SLC39A11: variants seen among roughly 807,000 people sequenced by gnomAD.
SLC39A11 encodes zinc transporter ZIP11.
SLC39A11 carries 33 observed loss-of-function variants against 36.1 expected under a neutral mutation model. The ratio of observed to expected loss-of-function variants is 0.91; its 90% confidence interval spans 0.69 to 1.22. The LOEUF (loss-of-function observed/expected upper bound fraction) is 1.22. Among genes scored for constraint, SLC39A11 ranks in the 50% most tolerant of loss-of-function variants. The pLI is 0.00. For missense variants in SLC39A11, 432 were observed against 430.3 expected, an observed-to-expected ratio of 1.00 and a Z score of -0.03; for synonymous variants, 166 against 170.3, an observed-to-expected ratio of 0.97 and a Z score of 0.20.
intron 7 of SLC39A11, among the ~76,000 whole-genome samples, chr17:72,685,678 T>G (rs1189574089): frequency 6.6e-6 from 1 of 152,202 alleles, no homozygotes; most frequent in African/African-American, 2.4e-5. Flanking sequence ...GATTAGGGAA[T>G]GATTTAGGAA....
chr17:72,958,744 G>T (rs540035163), intron 4 of SLC39A11, among the ~76,000 whole-genome samples: 1 of 152,026 alleles, frequency 6.6e-6, no homozygotes. Context: ...TCAGCTACTC[G>T]GGAGGCTGAG....
chr17:72,798,717 CA>C (rs974704337), intron 6 of SLC39A11, among the ~76,000 whole-genome samples: 11 of 151,968 alleles, frequency 7.2e-5, no homozygotes, highest in Admixed American at 3.3e-4. Flanking sequence ...CTAATCTCAC[CA>C]AGGGGGCCCC....
At chr17:72,987,383 T>C (rs2088838882) in intron 4 of SLC39A11, among the ~76,000 whole-genome samples, 2 of 152,214 alleles carry the variant, frequency 1.3e-5, no homozygotes, top group Admixed American at 1.3e-4. Flanking sequence ...TGTCTCTTAT[T>C]AGGTAATCAC....
chr17:72,877,900 T>C (rs1244927286), intron 5 of SLC39A11, among the ~76,000 whole-genome samples: 4 of 151,916 alleles, frequency 2.6e-5, no homozygotes, highest in African/African-American at 7.3e-5. Flanking sequence ...ACATGTGCCA[T>C]GTTGGTGTGC....
intron 7 of SLC39A11, among the ~76,000 whole-genome samples, chr17:72,655,644 C>T (rs1392337696): frequency 6.6e-6 from 1 of 152,250 alleles, no homozygotes; most frequent in South Asian, 2.1e-4. Context: ...GTCTGGGAGC[C>T]GAGGACACCT....
chr17:72,748,265 T>C (rs1022068885), intron 6 of SLC39A11, among the ~76,000 whole-genome samples: 1 of 150,238 alleles, frequency 6.7e-6, no homozygotes, highest in Non-Finnish European at 1.5e-5. Flanking sequence ...GAGGTTGCAG[T>C]GAGCCGAGAT....
At chr17:72,700,211 T>G in intron 7 of SLC39A11, among the ~76,000 whole-genome samples, 1 of 152,244 alleles carries the variant, frequency 6.6e-6, no homozygotes, top group Non-Finnish European at 1.5e-5. Context: ...ATCCTGTGCT[T>G]GTTCTACTGC....
At chr17:72,848,009 C>T (rs2145970215) in intron 6 of SLC39A11, among the ~76,000 whole-genome samples, 1 of 152,296 alleles carries the variant, frequency 6.6e-6, no homozygotes, top group East Asian at 1.9e-4. Context: ...AAAGGTGGGT[C>T]AGCATGTTTA....
intron 7 of SLC39A11, among the ~76,000 whole-genome samples, chr17:72,713,402 G>A (rs757028895): frequency 6.6e-6 from 1 of 152,144 alleles, no homozygotes; most frequent in African/African-American, 2.4e-5. Flanking sequence ...CCCAGCCAGG[G>A]TGTAGATGGG....
chr17:72,779,749 C>T (rs1470243629), intron 6 of SLC39A11, among the ~76,000 whole-genome samples: 2 of 152,190 alleles, frequency 1.3e-5, no homozygotes, highest in Non-Finnish European at 2.9e-5. Context: ...TTGTGATCCC[C>T]GGACTTCTCA....
chr17:72,784,296 G>A (rs1053017774), intron 6 of SLC39A11, among the ~76,000 whole-genome samples: 1 of 152,138 alleles, frequency 6.6e-6, no homozygotes, highest in Non-Finnish European at 1.5e-5. Context: ...CGTGAGCAGA[G>A]ATGGCACCAC....
At chr17:72,661,969 A>G (rs924966654) in intron 7 of SLC39A11, among the ~76,000 whole-genome samples, 5 of 152,228 alleles carry the variant, frequency 3.3e-5, no homozygotes, top group Admixed American at 3.3e-4. Flanking sequence ...ACTGACTCCC[A>G]GAGGAATGCT....
At chr17:72,855,713 A>G (rs539676101) in intron 5 of SLC39A11, among the ~76,000 whole-genome samples, 108 of 150,540 alleles carry the variant, frequency 7.2e-4, no homozygotes, top group Admixed American at 3.5e-3. Context: ...TGGCTAACAC[A>G]GTGAAACCCC....
At chr17:72,833,541 C>T (rs925481747) in intron 6 of SLC39A11, among the ~76,000 whole-genome samples, 1 of 152,198 alleles carries the variant, frequency 6.6e-6, no homozygotes, top group African/African-American at 2.4e-5. Flanking sequence ...ATGGCTCTAG[C>T]AGAAAGCTGA....
At chr17:72,660,258 CA>C (rs1233964128) in intron 7 of SLC39A11, among the ~76,000 whole-genome samples, 3 of 152,186 alleles carry the variant, frequency 2.0e-5, no homozygotes. Context: ...TTCATTACCG[CA>C]CCCATCAGAG....
intron 6 of SLC39A11, among the ~76,000 whole-genome samples, chr17:72,845,999 A>C (rs1365850643): frequency 7.1e-6 from 1 of 141,058 alleles, no homozygotes; most frequent in Non-Finnish European, 1.5e-5. Context: ...CAAACCAATG[A>C]ATCTCTCTCT....
intron 4 of SLC39A11, among the ~76,000 whole-genome samples, chr17:72,949,144 C>CTTTTTTTT (rs56036208): frequency 0.013 from 457 of 36,510 alleles, 118 homozygotes; most frequent in Middle Eastern, 0.038. Context: ...CACTGGGCAG[C>CTTTTTTTT]TTTTTTTTTT....
rs139142303 is a variant in SLC39A11 at position 72,675,677 on chromosome 17, G to A, written c.672-26409C>T. Among the ~76,000 whole-genome samples, 282 of 141,060 alleles carry A rather than the reference G, an allele frequency of 2.0e-3. 1 individual carries two copies. Among genetic ancestry groups the A allele is most frequent in the African/African-American group, 5.9e-3 (235 of 39,708 alleles). 92.5% of individuals were successfully genotyped at this position (141,060 alleles called of 152,430 possible). A position where few individuals can be genotyped will look rare whatever the true frequency, so the allele number is the denominator to read the frequency against. The stretch of plus-strand genomic sequence containing the variant: ...GTGCTGCCAGTGTGTGATGCCCGGC[G>A]CCAGATGTCCCAATTGTGTGTGTAA... On this transcript the variant is annotated intron_variant, in intron 7 of 9. Transcript: ENST00000255559.
intron 4 of SLC39A11, among the ~76,000 whole-genome samples, chr17:72,949,144 C>CT (rs56036208): frequency 0.038 from 1,371 of 36,450 alleles, 396 homozygotes; most frequent in Non-Finnish European, 0.042. Flanking sequence ...CACTGGGCAG[C>CT]TTTTTTTTTT....
Sources: gnomAD v4.1 joint callset for allele counts (sites outside exome capture counted in the v4.1 genomes callset) on GRCh38, gnomAD v4.1.1 for gene constraint, MANE v1.5 for transcripts, NCBI Gene and HGNC (gene_info 2026-07-23, HGNC 2026-07-21) for gene names.